The following RFC3 variants were observed in gnomAD, a reference collection of about 807,000 sequenced individuals.
RFC3 encodes the protein A1 38 kDa subunit.
In RFC3, 41 loss-of-function variants were observed where a neutral mutation model predicts 45.1. The observed-to-expected ratio is 0.91, with a 90% confidence interval of 0.71 to 1.18. The LOEUF (loss-of-function observed/expected upper bound fraction) is 1.18. Among genes scored for constraint, RFC3 ranks in the 50% most tolerant of loss-of-function variants. The probability of loss-of-function intolerance (pLI) is 0.00; values close to 1 mark genes in which losing one functional copy is unlikely to be tolerated. For missense variants in RFC3, 423 were observed against 428.1 expected (o/e 0.99, Z 0.10); for synonymous variants, 149 against 144.0 (o/e 1.03, Z -0.25).
At chr13:33,967,301 A>G (rs541882361), downstream of RFC3, among the ~76,000 whole-genome samples, 4 of 152,204 alleles carry the variant, frequency 2.6e-5, no homozygotes, top group Non-Finnish European at 5.9e-5. Flanking sequence ...AGTATTTCCC[A>G]TACTGTATTC....
chr13:33,872,097 C>G (rs2082413837), intron 8 of RFC3, among the ~76,000 whole-genome samples: 3 of 151,994 alleles, frequency 2.0e-5, no homozygotes, highest in Non-Finnish European at 2.9e-5. Flanking sequence ...GAACTCTTGC[C>G]TAATATCTAC....
At chr13:33,959,656 A>G (rs1487776767) in intron 8 of RFC3, among the ~76,000 whole-genome samples, 3 of 152,146 alleles carry the variant, frequency 2.0e-5, no homozygotes, top group Non-Finnish European at 4.4e-5. Flanking sequence ...GGTCTCCACC[A>G]GACAGTGATC....
At chr13:33,830,069 T>TG in intron 5 of RFC3, 52 bp downstream of exon 5, 1 of 1,441,278 alleles carries the variant, frequency 6.9e-7, no homozygotes, top group Non-Finnish European at 9.7e-7. Flanking sequence ...ATTCTCTGAA[T>TG]ATTGTATGCT....
intron 8 of RFC3, among the ~76,000 whole-genome samples, chr13:33,952,569 C>T (rs2082997431): frequency 1.3e-5 from 2 of 152,224 alleles, no homozygotes; most frequent in Admixed American, 1.3e-4. Flanking sequence ...ATGCTGTTCA[C>T]ATACAGAGTT....
At chr13:33,898,564 T>G (rs2082616838) in intron 8 of RFC3, among the ~76,000 whole-genome samples, 1 of 151,780 alleles carries the variant, frequency 6.6e-6, no homozygotes, top group African/African-American at 2.4e-5. Context: ...GTAGAAAGAC[T>G]TTAAATAAAC....
the RFC3 span, among the ~76,000 whole-genome samples, chr13:33,971,881 G>A: frequency 6.6e-6 from 1 of 152,198 alleles, no homozygotes; most frequent in Non-Finnish European, 1.5e-5. Flanking sequence ...GGAGGTCGAG[G>A]TGGGTGGATC....
chr13:33,908,978 G>C (rs1427885634), intron 8 of RFC3, among the ~76,000 whole-genome samples: 2 of 152,084 alleles, frequency 1.3e-5, no homozygotes, highest in Admixed American at 6.6e-5. Context: ...GCCCACCACA[G>C]TGGGGAAAGC....
intron 8 of RFC3, among the ~76,000 whole-genome samples, chr13:33,851,441 C>T (rs1219357054): frequency 1.3e-5 from 2 of 152,106 alleles, no homozygotes; most frequent in Non-Finnish European, 2.9e-5. Flanking sequence ...GTGTATATTA[C>T]ATTCTTACCA....
chr13:33,899,220 A>AAAAAAAAAAAAAAAAAAT (rs2082622771), intron 8 of RFC3, among the ~76,000 whole-genome samples: 1 of 149,168 alleles, frequency 6.7e-6, no homozygotes, highest in Non-Finnish European at 1.5e-5. Context: ...AAAAAAAAAA[A>AAAAAAAAAAAAAAAAAAT]AAAAAAAAAG....
chr13:33,925,183 CAT>C (rs1419307529), intron 8 of RFC3, among the ~76,000 whole-genome samples: 5 of 136,868 alleles, frequency 3.7e-5, no homozygotes, highest in African/African-American at 8.5e-5. Context: ...TATACATACA[CAT>C]ATAGTGTACT....
At chr13:33,838,133 G>T (rs1304100216), downstream of RFC3, among the ~76,000 whole-genome samples, 1 of 152,056 alleles carries the variant, frequency 6.6e-6, no homozygotes, top group Non-Finnish European at 1.5e-5. Flanking sequence ...GCATTTTGAA[G>T]ATCGTTCTTA....
intron 8 of RFC3, among the ~76,000 whole-genome samples, chr13:33,875,766 T>A (rs2137580286): frequency 6.6e-6 from 1 of 152,166 alleles, no homozygotes; most frequent in South Asian, 2.1e-4. Context: ...TGCCGTTGCA[T>A]GTTATATGTT....
intron 8 of RFC3, among the ~76,000 whole-genome samples, chr13:33,964,845 C>A (rs193014211): frequency 8.0e-4 from 122 of 152,278 alleles, no homozygotes; most frequent in Non-Finnish European, 1.0e-4. Flanking sequence ...GATAAGATCA[C>A]CCTGGCTTAT....
intron 8 of RFC3, among the ~76,000 whole-genome samples, chr13:33,854,645 GC>G (rs1288374702): frequency 7.9e-5 from 12 of 152,226 alleles, no homozygotes; most frequent in Admixed American, 6.5e-5. Flanking sequence ...AAGAATGGCT[GC>G]CCCTGAGAGA....
At chr13:33,927,536 C>G (rs551317505) in intron 8 of RFC3, among the ~76,000 whole-genome samples, 3 of 152,242 alleles carry the variant, frequency 2.0e-5, no homozygotes, top group African/African-American at 7.2e-5. Context: ...GGCCAACTCT[C>G]CTTGTGCTGT....
chr13:33,894,408 G>A (rs149488522), intron 8 of RFC3, among the ~76,000 whole-genome samples: 6 of 152,280 alleles, frequency 3.9e-5, no homozygotes, highest in East Asian at 3.9e-4. Flanking sequence ...AGGAGACCTC[G>A]TGGAAGTCTG....
At chr13:33,916,328 C>T (rs1306350269) in intron 8 of RFC3, among the ~76,000 whole-genome samples, 1 of 152,060 alleles carries the variant, frequency 6.6e-6, no homozygotes, top group Non-Finnish European at 1.5e-5. Context: ...TTGAAAATCC[C>T]CTTAGAGATG....
chr13:33,973,416 G>A, the RFC3 span, among the ~76,000 whole-genome samples: 197 of 152,224 alleles, frequency 1.3e-3, 1 homozygote, highest in Middle Eastern at 6.8e-3. Flanking sequence ...CATTGAAACC[G>A]CTGAATATTG....
intron 7 of RFC3, 91 bp downstream of exon 7, chr13:33,831,445 T>C: frequency 1.4e-6 from 1 of 691,674 alleles, no homozygotes; most frequent in Non-Finnish European, 2.5e-6. Flanking sequence ...CATTTTGAAT[T>C]ATAATTAAAT....
Sources: allele counts gnomAD v4.1 joint callset (sites outside exome capture counted in the v4.1 genomes callset), GRCh38; gene constraint gnomAD v4.1.1; transcripts MANE v1.5; gene names NCBI Gene and HGNC (gene_info 2026-07-23, HGNC 2026-07-21).